Variants in LSAMP observed in about 807,000 individuals in gnomAD.
LSAMP encodes limbic system associated membrane protein.
A neutral mutation model predicts 38.6 loss-of-function variants in LSAMP; 7 were observed. That is an observed-to-expected ratio of 0.18 (90% confidence interval 0.10 to 0.34). LSAMP has a LOEUF of 0.34. Ranked by LOEUF, LSAMP falls within the 10% of genes least tolerant of loss-of-function variation. The pLI is 1.00. For synonymous variants in LSAMP, 154 were observed against 166.8 expected, an observed-to-expected ratio of 0.92 and a Z score of 0.59; for missense variants, 313 against 420.0, an observed-to-expected ratio of 0.75 and a Z score of 2.23.
chr3:116,095,551 T>G (rs933296499), intron 1 of LSAMP, among the ~76,000 whole-genome samples: 11 of 152,220 alleles, frequency 7.2e-5, no homozygotes, highest in African/African-American at 2.7e-4. Context: ...TCCGGCACCA[T>G]CTGTATTCCT....
intron 3 of LSAMP, among the ~76,000 whole-genome samples, chr3:115,880,791 G>A (rs933579057): frequency 6.6e-5 from 10 of 152,068 alleles, no homozygotes; most frequent in African/African-American, 1.9e-4. Flanking sequence ...CAGCACTTTG[G>A]GAGGCTGAGG....
intron 1 of LSAMP, among the ~76,000 whole-genome samples, chr3:116,153,783 T>C (rs1421318766): frequency 6.6e-6 from 1 of 152,114 alleles, no homozygotes; most frequent in Non-Finnish European, 1.5e-5. Flanking sequence ...CAACTACTCA[T>C]TTATTGCCTT....
intron 2 of LSAMP, among the ~76,000 whole-genome samples, chr3:116,031,188 G>A (rs954453727): frequency 1.3e-5 from 2 of 152,080 alleles, no homozygotes; most frequent in African/African-American, 4.8e-5. Context: ...AGTATAAAGG[G>A]TTCGGGGAAC....
intron 1 of LSAMP, among the ~76,000 whole-genome samples, chr3:116,200,758 TCTC>T (rs1449075010): frequency 6.6e-6 from 1 of 152,166 alleles, no homozygotes; most frequent in Non-Finnish European, 1.5e-5. Context: ...GACCCTTTGT[TCTC>T]CTATGAAGCA....
intron 3 of LSAMP, among the ~76,000 whole-genome samples, chr3:115,894,449 G>A (rs1007185424): frequency 2.0e-5 from 3 of 152,058 alleles, no homozygotes. Flanking sequence ...AACACCATGT[G>A]AGTGAGATGG....
intron 6 of LSAMP, among the ~76,000 whole-genome samples, chr3:115,815,259 T>G (rs1933979897): frequency 6.6e-6 from 1 of 152,200 alleles, no homozygotes; most frequent in South Asian, 2.1e-4. Flanking sequence ...TAAATTAAAC[T>G]TCATCATACG....
chr3:116,230,782 TA>T (rs1211474770), intron 1 of LSAMP, among the ~76,000 whole-genome samples: 5 of 151,522 alleles, frequency 3.3e-5, no homozygotes, highest in Non-Finnish European at 5.9e-5. Flanking sequence ...GCTTTGTAAT[TA>T]AAAAAAAACT....
chr3:115,953,287 C>A (rs1405466669), intron 3 of LSAMP, among the ~76,000 whole-genome samples: 1 of 152,074 alleles, frequency 6.6e-6, no homozygotes, highest in East Asian at 1.9e-4. Context: ...TCATTTTGAG[C>A]CATTTTCTAC....
intron 3 of LSAMP, among the ~76,000 whole-genome samples, chr3:115,960,929 A>G (rs1386997258): frequency 6.6e-6 from 1 of 152,208 alleles, no homozygotes; most frequent in Non-Finnish European, 1.5e-5. Context: ...GTTCACAGCA[A>G]CTTCAGTCAG....
chr3:115,999,186 C>G (rs74739247), intron 3 of LSAMP, among the ~76,000 whole-genome samples: 2,712 of 152,206 alleles, frequency 0.018, 90 homozygotes, highest in African/African-American at 0.062. Context: ...GAGGGCTGCT[C>G]AGCTGCATAT....
At chr3:116,085,255 C>T (rs1576353557) in intron 2 of LSAMP, among the ~76,000 whole-genome samples, 1 of 152,140 alleles carries the variant, frequency 6.6e-6, no homozygotes. Flanking sequence ...ATAGAGGCCA[C>T]ACGACTAAAG....
chr3:116,307,188 G>A (rs886132753), intron 1 of LSAMP, among the ~76,000 whole-genome samples: 2 of 151,810 alleles, frequency 1.3e-5, no homozygotes, highest in African/African-American at 4.8e-5. Context: ...TTTGACTCAG[G>A]GCAAAGCAAT....
chr3:116,234,692 C>A (rs2046444261), intron 1 of LSAMP, among the ~76,000 whole-genome samples: 1 of 152,010 alleles, frequency 6.6e-6, no homozygotes, highest in Non-Finnish European at 1.5e-5. Flanking sequence ...TGAAATGCAT[C>A]TTTTCTTCTC....
intron 1 of LSAMP, among the ~76,000 whole-genome samples, chr3:116,386,215 A>C (rs908334978): frequency 3.7e-4 from 57 of 152,158 alleles, no homozygotes; most frequent in African/African-American, 1.4e-3. Context: ...ATTGGAGTCA[A>C]AGGGGTATCT....
intron 3 of LSAMP, among the ~76,000 whole-genome samples, chr3:115,861,167 T>A: frequency 8.5e-6 from 1 of 117,222 alleles, no homozygotes; most frequent in Non-Finnish European, 1.8e-5. Context: ...CCTTCCTTCC[T>A]TCCTTCCTTC....
intron 3 of LSAMP, among the ~76,000 whole-genome samples, chr3:116,001,565 C>A (rs1056062266): frequency 1.3e-5 from 2 of 152,182 alleles, no homozygotes; most frequent in East Asian, 3.8e-4. Flanking sequence ...ATGGGTCTCA[C>A]TGGGCTACAG....
In LSAMP at chr3:115,814,011, T is replaced by C. The variant is rs374153850; in HGVS notation, c.920-3597A>G. Reference sequence around the variant, plus strand: ...TCTTTTTCATATAACAGACAAAAATTATATTTTAGTATCCAATCCATTCTA... The same window carrying C: ...TCTTTTTCATATAACAGACAAAAATCATATTTTAGTATCCAATCCATTCTA... On this transcript the variant is annotated intron_variant, in intron 6 of 6. Coordinates refer to ENST00000490035, the MANE Select transcript of LSAMP (RefSeq NM_002338.5). 5 of 152,282 alleles carry C rather than the reference T, an allele frequency of 3.3e-5. No individual in the cohort carries two copies. The South Asian group carries it at 6.2e-4, about 19-fold the overall frequency. The allele number at this position is 152,282 out of a possible 1,614,324, so 9.4% of individuals were successfully genotyped here. A position where few individuals can be genotyped will look rare whatever the true frequency, so the allele number is the denominator to read the frequency against.
intron 1 of LSAMP, among the ~76,000 whole-genome samples, chr3:116,348,579 C>A (rs1250563874): frequency 6.6e-6 from 1 of 152,060 alleles, no homozygotes; most frequent in Admixed American, 6.6e-5. Context: ...GTGTAATCAC[C>A]AGAAATTAGC....
chr3:116,359,615 G>T (rs1473255883), intron 1 of LSAMP, among the ~76,000 whole-genome samples: 1 of 152,140 alleles, frequency 6.6e-6, no homozygotes, highest in Non-Finnish European at 1.5e-5. Context: ...TGTGCAGGTT[G>T]TACAGGTTTG....
Sources: gnomAD v4.1 joint callset for allele counts (sites outside exome capture counted in the v4.1 genomes callset) on GRCh38, gnomAD v4.1.1 for gene constraint, MANE v1.5 for transcripts, NCBI Gene and HGNC (gene_info 2026-07-23, HGNC 2026-07-21) for gene names.